The following DOCK3 variants were observed in gnomAD, a reference collection of about 807,000 sequenced individuals.
DOCK3 encodes dedicator of cytokinesis 3, also known as dedicator of cytokinesis protein 3.
In DOCK3, 60 loss-of-function variants were observed where a neutral mutation model predicts 265.6. That is an observed-to-expected ratio of 0.23 (90% CI 0.18 to 0.28). The LOEUF (loss-of-function observed/expected upper bound fraction) is 0.28, where lower values mean the gene tolerates loss of function less well. DOCK3 is among the 10% of genes least tolerant of loss of function. The pLI is 1.00. For synonymous variants in DOCK3, 881 were observed against 938.0 expected (o/e 0.94, Z 1.11); for missense variants, 1,981 against 2,594.3 (o/e 0.76, Z 5.14).
chr3:50,767,837 C>T lies in DOCK3; in HGVS notation c.38-10838C>T, dbSNP rs550784156. 3.3e-5 allele frequency among the ~76,000 whole-genome samples: 5 copies of T among 152,178 alleles called. No individual in the cohort carries two copies. The East Asian group carries it at 9.6e-4, about 29-fold the overall frequency. ...TTCTCCTTGAAGAGGTCCTTCACAT[C>T]CCTTGTAAGTTGTATTCCTAGGTAT... On this transcript the variant is annotated intron_variant, in intron 1 of 52. Transcript: ENST00000266037.
chr3:51,021,413 C>T (rs1040531061), intron 5 of DOCK3, among the ~76,000 whole-genome samples: 1 of 152,182 alleles, frequency 6.6e-6, no homozygotes, highest in African/African-American at 2.4e-5. Context: ...TTTATATATT[C>T]TTTTAGCCAA....
intron 9 of DOCK3, among the ~76,000 whole-genome samples, chr3:51,132,683 TATC>T (rs1363233459): frequency 1.3e-5 from 2 of 152,206 alleles, no homozygotes; most frequent in Non-Finnish European, 2.9e-5. Context: ...CACAAGTTCT[TATC>T]ATGCAAGTGG....
At chr3:50,942,813 A>G (rs1328642780) in intron 5 of DOCK3, among the ~76,000 whole-genome samples, 6 of 152,004 alleles carry the variant, frequency 3.9e-5, no homozygotes, top group Non-Finnish European at 7.4e-5. Context: ...TTCAACTACA[A>G]ATTTTTTGAA....
rs2356260 is a variant in DOCK3, at chr3:51,370,137, G to A, written c.5294-4332G>A. On this transcript the variant is annotated intron_variant, in intron 49 of 52. Coordinates refer to ENST00000266037, the MANE Select transcript of DOCK3 (RefSeq NM_004947.5). ...TTATCAAGAAGGCACACTGAAAGAC[G>A]GCCTTGGGAATAAAAAGAAAAGAAA... Among the ~76,000 whole-genome samples the A allele has an allele frequency of 2.9e-3, 440 of 152,314 alleles. 4 individuals are homozygous for A. The highest frequency in any genetic ancestry group is 0.015 in the South Asian group (74 of 4,822).
chr3:51,072,617 C>A (rs1015187060), intron 6 of DOCK3, among the ~76,000 whole-genome samples: 2 of 151,994 alleles, frequency 1.3e-5, no homozygotes, highest in Non-Finnish European at 2.9e-5. Flanking sequence ...CCATGATGAC[C>A]AGGTCAGTCT....
At chr3:51,243,777 T>C (rs956315098) in intron 21 of DOCK3, among the ~76,000 whole-genome samples, 2 of 152,210 alleles carry the variant, frequency 1.3e-5, no homozygotes, top group Admixed American at 6.5e-5. Context: ...CAAGAAATCA[T>C]TGCCTAATAT....
chr3:51,166,503 A>G (rs1358508271), intron 12 of DOCK3, among the ~76,000 whole-genome samples: 3 of 152,214 alleles, frequency 2.0e-5, no homozygotes, highest in Non-Finnish European at 4.4e-5. Context: ...CGATTGCTGG[A>G]TCAAATAGTT....
At chr3:50,784,722 T>C (rs2042098083) in intron 2 of DOCK3, among the ~76,000 whole-genome samples, 2 of 152,260 alleles carry the variant, frequency 1.3e-5, no homozygotes, top group Admixed American at 1.3e-4. Context: ...TAGAGGTCTT[T>C]CACTTCCTTG....
intron 2 of DOCK3, among the ~76,000 whole-genome samples, chr3:50,796,938 T>C (rs1343236792): frequency 2.0e-5 from 3 of 151,978 alleles, no homozygotes; most frequent in Non-Finnish European, 4.4e-5. Flanking sequence ...CTTTGCTCTC[T>C]GACTCCTTGA....
chr3:50,706,670 G>A (rs2036433433), intron 1 of DOCK3, among the ~76,000 whole-genome samples: 1 of 152,036 alleles, frequency 6.6e-6, no homozygotes, highest in South Asian at 2.1e-4. Context: ...TTATTATCTT[G>A]TTAGGCAAGT....
At chr3:51,096,177 G>A (rs1171138935) in intron 9 of DOCK3, among the ~76,000 whole-genome samples, 1 of 152,082 alleles carries the variant, frequency 6.6e-6, no homozygotes, top group African/African-American at 2.4e-5. Flanking sequence ...TTGAATGTTG[G>A]CCTTTCTTAC....
At chr3:50,719,859 C>A (rs2108006077) in intron 1 of DOCK3, 1 of 700,542 alleles carries the variant, frequency 1.4e-6, no homozygotes. Flanking sequence ...CTTTCCAGTG[C>A]TCAGAGCATG....
chr3:50,967,846 C>T (rs935964298), intron 5 of DOCK3, among the ~76,000 whole-genome samples: 1 of 152,176 alleles, frequency 6.6e-6, no homozygotes, highest in African/African-American at 2.4e-5. Flanking sequence ...ATGGGAACTA[C>T]AATTCAGGAT....
chr3:51,190,257 A>G (rs1303447089), intron 12 of DOCK3, among the ~76,000 whole-genome samples: 2 of 152,182 alleles, frequency 1.3e-5, no homozygotes, highest in Non-Finnish European at 2.9e-5. Context: ...CTCTGGGTCT[A>G]GCTGCCCAGT....
At chr3:51,219,404 C>A (rs1436374538) in intron 14 of DOCK3, among the ~76,000 whole-genome samples, 1 of 152,106 alleles carries the variant, frequency 6.6e-6, no homozygotes, top group Non-Finnish European at 1.5e-5. Context: ...TATTAATAAT[C>A]CTCATCAGCC....
At chr3:51,191,054 C>G (rs2087910903) in intron 12 of DOCK3, among the ~76,000 whole-genome samples, 1 of 152,160 alleles carries the variant, frequency 6.6e-6, no homozygotes, top group Admixed American at 6.5e-5. Flanking sequence ...AGGTCTCATA[C>G]CTGCAGTGAT....
intron 12 of DOCK3, among the ~76,000 whole-genome samples, chr3:51,190,393 G>A (rs139343346): frequency 0.014 from 2,105 of 152,286 alleles, 21 homozygotes; most frequent in Non-Finnish European, 0.018. Flanking sequence ...GAGGAGTGAT[G>A]TAAACTCTGT....
intron 12 of DOCK3, among the ~76,000 whole-genome samples, chr3:51,203,317 AG>A (rs1188740550): frequency 2.6e-5 from 4 of 152,250 alleles, no homozygotes; most frequent in Non-Finnish European, 5.9e-5. Context: ...AAATTCAGCA[AG>A]GTCTCAGGAT....
intron 2 of DOCK3, among the ~76,000 whole-genome samples, chr3:50,817,545 G>A (rs2044158810): frequency 6.6e-6 from 1 of 151,980 alleles, no homozygotes; most frequent in Admixed American, 6.6e-5. Flanking sequence ...GATCCTCCCA[G>A]TGTGGCTTCC....
Sources: gnomAD v4.1 joint callset for allele counts (sites outside exome capture counted in the v4.1 genomes callset) on GRCh38, gnomAD v4.1.1 for gene constraint, MANE v1.5 for transcripts, NCBI Gene and HGNC (gene_info 2026-07-23, HGNC 2026-07-21) for gene names.